The following ABCD3 variants were observed in gnomAD, a reference collection of about 807,000 sequenced individuals.
ABCD3 encodes the protein ATP-binding cassette sub-family D member 3.
ABCD3 carries 41 observed loss-of-function variants against 105.5 expected under a neutral mutation model. The observed-to-expected ratio is 0.39, with a 90% CI of 0.30 to 0.50. ABCD3 has a LOEUF of 0.50. Ranked by LOEUF, ABCD3 falls within the 20% of genes least tolerant of loss-of-function variation. The pLI, the probability that ABCD3 is intolerant of heterozygous loss-of-function variation, is 0.84. For synonymous variants in ABCD3, 258 were observed against 269.0 expected, an observed-to-expected ratio of 0.96 and a Z score of 0.40; for missense variants, 622 against 806.3, an observed-to-expected ratio of 0.77 and a Z score of 2.77.
chr1:94,475,118 A>G (rs1313182845), intron 5 of ABCD3, 25 bp from the exon 6 acceptor site: 4 of 1,445,160 alleles, frequency 2.8e-6, no homozygotes, highest in Non-Finnish European at 3.8e-6. Flanking sequence ...AAGCAAAACC[A>G]ATAATATTTG....
At position 94,478,563 on chromosome 1, in the gene ABCD3, T is replaced by C. The variant is rs1371109519; in HGVS notation, c.684+248T>C. On this transcript the variant is annotated intron_variant, in intron 8 of 22. Coordinates refer to ENST00000370214, the MANE Select transcript of ABCD3 (RefSeq NM_002858.4). ...TTTGTGGCATTAAAAACCAGACAAA[T>C]GTATTGGCCAGGCGTGGTGGCTCAT... The C allele has an allele frequency of 1.9e-6, 3 of 1,595,970 alleles. No individual in the cohort carries two copies. The South Asian group carries it at 3.4e-5, about 18-fold the overall frequency.
intron 1 of ABCD3, among the ~76,000 whole-genome samples, chr1:94,424,724 C>T (rs1659398084): frequency 1.3e-5 from 2 of 152,190 alleles, no homozygotes; most frequent in South Asian, 4.1e-4. Flanking sequence ...GCCCCTGCCA[C>T]TCAAAATAGC....
At chr1:94,463,385 A>G (rs911757137) in intron 2 of ABCD3, among the ~76,000 whole-genome samples, 3 of 152,200 alleles carry the variant, frequency 2.0e-5, no homozygotes, top group Non-Finnish European at 2.9e-5. Context: ...TGTCTGACAC[A>G]TAGTTGGTAG....
chr1:94,491,111 AT>A, intron 15 of ABCD3, 72 bp from the exon 16 acceptor site: 2 of 1,052,538 alleles, frequency 1.9e-6, no homozygotes, highest in Non-Finnish European at 1.4e-6. Flanking sequence ...GGTTATTTGT[AT>A]TTTTGGTATT....
At chr1:94,447,792 G>A (rs909706434) in intron 1 of ABCD3, among the ~76,000 whole-genome samples, 5 of 152,190 alleles carry the variant, frequency 3.3e-5, no homozygotes, top group African/African-American at 1.2e-4. Flanking sequence ...CTTAGTAAAT[G>A]ACATTACCAT....
chr1:94,483,511 T>C (rs1649125642), intron 10 of ABCD3, among the ~76,000 whole-genome samples: 1 of 152,204 alleles, frequency 6.6e-6, no homozygotes, highest in Non-Finnish European at 1.5e-5. Flanking sequence ...CATCTGATCT[T>C]TGACAAACCT....
chr1:94,491,085 G>A, intron 15 of ABCD3, 99 bp from the exon 16 acceptor site: 1 of 838,634 alleles, frequency 1.2e-6, no homozygotes, highest in Non-Finnish European at 1.9e-6. Context: ...TAAGCTCTTT[G>A]CCCATTTTTT....
intron 10 of ABCD3, among the ~76,000 whole-genome samples, chr1:94,485,008 G>A (rs902875146): frequency 8.5e-5 from 13 of 152,086 alleles, no homozygotes; most frequent in Non-Finnish European, 1.3e-4. Context: ...ATTCAGCTCC[G>A]CTACTCAAGA....
intron 1 of ABCD3, among the ~76,000 whole-genome samples, chr1:94,437,208 GT>G (rs1659940112): frequency 6.6e-6 from 1 of 152,198 alleles, no homozygotes; most frequent in South Asian, 2.1e-4. Context: ...TAAACTACAG[GT>G]TTTCAATGTA....
At position 94,487,696 on chromosome 1, in the gene ABCD3, C is replaced by T. The variant is rs975487261; in HGVS notation, c.970C>T (p.Leu324Phe). The change falls in exon 12 of 23, where the codon CTT becomes TTT. Residue 324 changes from leucine to phenylalanine, a missense_variant and splice_region_variant. Around this residue, in one of 4 missense-constraint regions of ABCD3, gnomAD observed 245 missense variants for 356.4 expected, o/e 0.69. Coordinates refer to ENST00000370214, the MANE Select transcript of ABCD3 (RefSeq NM_002858.4). ...AAATCTTACCTGTTTGGTTTCAGAC[C>T]TTGCCACTGTTGTTGGTTACCTAGT... ...GFIDSIIAKY[L>F]ATVVGYLVVS... 6.2e-7 allele frequency: 1 copy of T among 1,613,962 alleles called. No homozygotes were observed. The highest frequency in any genetic ancestry group is 2.2e-5 in the East Asian group (1 of 44,844).
chr1:94,441,684 A>G (rs1005838257), intron 1 of ABCD3, among the ~76,000 whole-genome samples: 11 of 152,202 alleles, frequency 7.2e-5, no homozygotes, highest in South Asian at 4.1e-4. Context: ...GGTGCTTTCT[A>G]TGGACTGATA....
intron 21 of ABCD3, 39 bp from the exon 22 acceptor site, chr1:94,515,107 C>G (rs551093519): frequency 3.6e-5 from 53 of 1,485,184 alleles, no homozygotes; most frequent in Non-Finnish European, 5.0e-5. Context: ...ATTTGTGACT[C>G]TGTTACTCAT....
chr1:94,396,461 C>A, the ABCD3 span, among the ~76,000 whole-genome samples: 1 of 152,152 alleles, frequency 6.6e-6, no homozygotes, highest in South Asian at 2.1e-4. Context: ...CTTCATCCAA[C>A]CTCGTTTTCT....
At position 94,476,152 on chromosome 1, in the gene ABCD3, GATC is replaced by G. The variant is rs1474653057; in HGVS notation, c.627+418_627+420del. Among the ~76,000 whole-genome samples, 4 of 152,110 alleles carry G rather than the reference GATC, an allele frequency of 2.6e-5. No individual in the cohort carries two copies. In the East Asian group the frequency reaches 7.7e-4, roughly 29 times the overall value. ...TGCTTCAGTATCTTTAATTCTAATA[GATC>G]ATTAGTAAGTAGTAGTCAAAAAATT... On this transcript the variant is annotated intron_variant, in intron 7 of 22. Coordinates refer to ENST00000370214, the MANE Select transcript of ABCD3 (RefSeq NM_002858.4).
intron 16 of ABCD3, among the ~76,000 whole-genome samples, chr1:94,495,390 A>C (rs1380604879): frequency 6.6e-6 from 1 of 152,180 alleles, no homozygotes; most frequent in Non-Finnish European, 1.5e-5. Context: ...TTTTCAGTAA[A>C]TGTTACTCTT....
the ABCD3 span, among the ~76,000 whole-genome samples, chr1:94,407,213 C>T: frequency 1.3e-3 from 196 of 152,204 alleles, 1 homozygote; most frequent in Non-Finnish European, 6.0e-4. Flanking sequence ...TGCAATGGCC[C>T]GATCTCAGCT....
intron 1 of ABCD3, among the ~76,000 whole-genome samples, chr1:94,422,131 A>G (rs1659280216): frequency 6.6e-6 from 1 of 151,938 alleles, no homozygotes; most frequent in African/African-American, 2.4e-5. Flanking sequence ...TCTTTTTCTG[A>G]TTTCCAAACT....
At chr1:94,481,780 C>G (rs1557681064) in intron 9 of ABCD3, 1 of 152,264 alleles carries the variant, frequency 6.6e-6, no homozygotes, top group Non-Finnish European at 1.5e-5. Context: ...AAGAGTCCCA[C>G]AACTGACTTT....
chr1:94,400,590 C>A, the ABCD3 span, among the ~76,000 whole-genome samples: 1 of 152,094 alleles, frequency 6.6e-6, no homozygotes, highest in Non-Finnish European at 1.5e-5. Context: ...AACAGCAGTG[C>A]CAGCCTGACA....
Sources: allele counts gnomAD v4.1 joint callset (sites outside exome capture counted in the v4.1 genomes callset), GRCh38; gene constraint gnomAD v4.1.1; regional missense constraint gnomAD v4.1.1; transcripts MANE v1.5; gene names NCBI Gene and HGNC (gene_info 2026-07-23, HGNC 2026-07-21).